The following ATPAF1 variants were observed in gnomAD, a reference collection of about 807,000 sequenced individuals.
ATPAF1 encodes the protein ATP synthase mitochondrial F1 complex assembly factor 1, also known as homolog of yeast ATP11.
In ATPAF1, 26 loss-of-function variants were observed where a neutral mutation model predicts 43.9. The observed-to-expected ratio is 0.59, with a 90% CI of 0.43 to 0.82. The LOEUF (loss-of-function observed/expected upper bound fraction) is 0.82, where lower values mean the gene tolerates loss of function less well. ATPAF1 is among the 40% of genes least tolerant of loss of function. The pLI is 0.00. For missense variants in ATPAF1, 366 were observed against 435.0 expected (o/e 0.84, Z 1.41); for synonymous variants, 157 against 168.0 (o/e 0.93, Z 0.50).
intron 2 of ATPAF1, among the ~76,000 whole-genome samples, chr1:46,661,934 G>C (rs141720543): frequency 3.6e-5 from 5 of 140,766 alleles, no homozygotes; most frequent in Non-Finnish European, 7.5e-5. Context: ...TCACTCTGTC[G>C]TCCAGGCTGG....
Position 46,653,072 on chromosome 1 carries a change from G to A in ATPAF1, c.541-444C>T, listed in dbSNP as rs1676201395. Among the ~76,000 whole-genome samples the A allele has an allele frequency of 6.6e-6, 1 of 151,724 alleles. No homozygotes were observed. Among genetic ancestry groups the A allele is most frequent in the Non-Finnish European group, 1.5e-5 (1 of 67,948 alleles). ...GCGATACCATCATAACCACCAAAAG[G>A]CCTGGCTTTATCCTTCCATCTATAT... On this transcript the variant is annotated intron_variant, in intron 5 of 8. Coordinates refer to ENST00000574428, the Ensembl canonical transcript of ATPAF1. This position sits in a 1 kb window ranked among gnomAD's most constrained non-coding sequence, Gnocchi z 4.8.
At chr1:46,665,677 T>C (rs1242433906) in intron 1 of ATPAF1, 1 of 1,535,660 alleles carries the variant, frequency 6.5e-7, no homozygotes, top group South Asian at 1.2e-5. Context: ...TGAGGTCATC[T>C]TGCTGGATCA....
At chr1:46,637,059 G>C (rs1037144669) in intron 8 of ATPAF1, among the ~76,000 whole-genome samples, 9 of 152,194 alleles carry the variant, frequency 5.9e-5, no homozygotes, top group Non-Finnish European at 5.9e-5. Context: ...AAACTGCGAG[G>C]TAATAAATGT....
chr1:46,665,549 T>C, intron 1 of ATPAF1, 185 bp from the exon 2 acceptor site: 1 of 1,228,248 alleles, frequency 8.1e-7, no homozygotes, highest in East Asian at 2.5e-5. Flanking sequence ...GAAATCCTGT[T>C]ATTCAACTGT....
At chr1:46,636,211 A>G in intron 8 of ATPAF1, 1 of 568,728 alleles carries the variant, frequency 1.8e-6, no homozygotes, top group Non-Finnish European at 3.1e-6. Flanking sequence ...TTTTTTGTCT[A>G]TTTTCCCTAG....
intron 6 of ATPAF1, among the ~76,000 whole-genome samples, chr1:46,647,110 C>T (rs1339597460): frequency 6.6e-6 from 1 of 152,220 alleles, no homozygotes; most frequent in Non-Finnish European, 1.5e-5. Context: ...ATGTATTACT[C>T]TTTATGTAGA....
At chr1:46,662,028 G>A (rs1008654080) in intron 2 of ATPAF1, among the ~76,000 whole-genome samples, 5 of 151,960 alleles carry the variant, frequency 3.3e-5, no homozygotes, top group Admixed American at 1.3e-4. Context: ...CCGAGTAGCT[G>A]GGACTACAGG....
At chr1:46,635,362 A>C (rs761228503) in exon 9 of ATPAF1, 22 of 168,118 alleles carry the variant, frequency 1.3e-4, no homozygotes, top group Admixed American at 3.4e-4. Flanking sequence ...ATTAAAGCCC[A>C]TATCTAACTA....
At chr1:46,639,968 T>C (rs1675920335) in intron 8 of ATPAF1, among the ~76,000 whole-genome samples, 1 of 152,212 alleles carries the variant, frequency 6.6e-6, no homozygotes, top group African/African-American at 2.4e-5. Flanking sequence ...TTAATATGAT[T>C]AGATGCTGTG....
In ATPAF1 at chr1:46,653,051, TA is replaced by T. The variant is rs1249082872; in HGVS notation, c.541-424del. On this transcript the variant is annotated intron_variant, in intron 5 of 8. Transcript: ENST00000574428. The surrounding 1 kb of genome is among the most constrained non-coding windows in gnomAD (Gnocchi z 4.8). ...GAGAGATTAAAAAAAAAGATAGCGA[TA>T]CCATCATAACCACCAAAAGGCCTGG... Among the ~76,000 whole-genome samples, 4 of 152,106 alleles carry T rather than the reference TA, an allele frequency of 2.6e-5. No individual in the cohort carries two copies. Among genetic ancestry groups the T allele is most frequent in the African/African-American group, 9.7e-5 (4 of 41,436 alleles).
At chr1:46,644,841 G>A (rs751822755) in intron 7 of ATPAF1, among the ~76,000 whole-genome samples, 7 of 152,146 alleles carry the variant, frequency 4.6e-5, no homozygotes, top group Non-Finnish European at 1.0e-4. Context: ...CTTCTAGCTT[G>A]GGTTAAAAAG....
downstream of ATPAF1, chr1:46,634,109 T>C: frequency 3.2e-6 from 1 of 315,236 alleles, no homozygotes; most frequent in Admixed American, 4.7e-5. Context: ...GACTCAAAGG[T>C]GCAACAAAAT....
chr1:46,651,645 A>C (rs1676171744), intron 6 of ATPAF1, among the ~76,000 whole-genome samples: 5 of 152,026 alleles, frequency 3.3e-5, no homozygotes, highest in Admixed American at 3.3e-4. Context: ...ATTTCTCCAC[A>C]TCCTCTCCAG....
chr1:46,639,562 A>G (rs1349866937), intron 8 of ATPAF1, among the ~76,000 whole-genome samples: 1 of 152,202 alleles, frequency 6.6e-6, no homozygotes, highest in Non-Finnish European at 1.5e-5. Context: ...AGTTTTTAGC[A>G]TTAAAGTTAG....
At chr1:46,667,998 C>A in intron 1 of ATPAF1, 59 bp downstream of exon 1, 1 of 1,294,178 alleles carries the variant, frequency 7.7e-7, no homozygotes. Context: ...TAAGGCCCAG[C>A]AGCCCGGGCC....
At chr1:46,647,040 G>T (rs939240549) in intron 6 of ATPAF1, among the ~76,000 whole-genome samples, 7 of 152,132 alleles carry the variant, frequency 4.6e-5, no homozygotes, top group Non-Finnish European at 1.0e-4. Flanking sequence ...TTAAATGCTA[G>T]TCCACCGTGT....
intron 8 of ATPAF1, among the ~76,000 whole-genome samples, chr1:46,642,373 G>A (rs1675965738): frequency 6.6e-6 from 1 of 152,124 alleles, no homozygotes; most frequent in African/African-American, 2.4e-5. Flanking sequence ...CACTGTTTGG[G>A]GACATTCTGA....
intron 8 of ATPAF1, among the ~76,000 whole-genome samples, chr1:46,640,062 C>T (rs1337731924): frequency 6.6e-6 from 1 of 152,142 alleles, no homozygotes; most frequent in Non-Finnish European, 1.5e-5. Flanking sequence ...CTTTTCAGCT[C>T]ACTTCCAACT....
chr1:46,659,898 T>C (rs181959386), intron 2 of ATPAF1, among the ~76,000 whole-genome samples: 4 of 152,316 alleles, frequency 2.6e-5, no homozygotes, highest in Non-Finnish European at 5.9e-5. Context: ...GTCACGCACC[T>C]ATACACTGAC....
Sources: allele counts gnomAD v4.1 joint callset (sites outside exome capture counted in the v4.1 genomes callset), GRCh38; gene constraint gnomAD v4.1.1; non-coding constraint Gnocchi (gnomAD v3.1); transcripts MANE v1.5; gene names NCBI Gene and HGNC (gene_info 2026-07-23, HGNC 2026-07-21).